The following CDIP1 variants were observed in gnomAD, a reference collection of about 807,000 sequenced individuals.
The protein encoded by CDIP1 is cell death-inducing p53-target protein 1.
In CDIP1, 9 loss-of-function variants were observed where a neutral mutation model predicts 17.7. The observed-to-expected ratio is 0.51, with a 90% CI of 0.31 to 0.89. CDIP1 has a LOEUF of 0.89. Among genes scored for constraint, CDIP1 ranks in the 40% least tolerant of loss-of-function variants. The pLI is 0.05. For synonymous variants in CDIP1, 117 were observed against 109.5 expected (o/e 1.07, Z -0.43); for missense variants, 263 against 277.9 (o/e 0.95, Z 0.38).
intron 1 of CDIP1, among the ~76,000 whole-genome samples, chr16:4,526,376 G>A (rs2059000857): frequency 6.6e-6 from 1 of 151,874 alleles, no homozygotes; most frequent in Non-Finnish European, 1.5e-5. Flanking sequence ...TCGCACTCCA[G>A]CCCGGGCAAT....
At chr16:4,516,730 C>CA (rs2141632971) in intron 1 of CDIP1, among the ~76,000 whole-genome samples, 1 of 105,948 alleles carries the variant, frequency 9.4e-6, no homozygotes, top group East Asian at 3.2e-4. Context: ...TTTTGTGAGA[C>CA]AGAGTCTTGC....
In CDIP1 at chr16:4,513,134, G is replaced by T; in HGVS notation, c.242-70C>A. ...ACCTGCACCAGACAAAGAGATTGGC[G>T]CAAAGCCCCACGGTCCACAGCGCCC... On this transcript the variant is annotated intron_variant, in intron 4 of 5. Transcript: ENST00000567695. The surrounding 1 kb of genome is among the most constrained non-coding windows in gnomAD (Gnocchi z 4.1). 7.0e-7 allele frequency: 1 copy of T among 1,429,630 alleles called. No individual in the cohort carries two copies. Among genetic ancestry groups the T allele is most frequent in the Non-Finnish European group, 9.3e-7 (1 of 1,076,430 alleles). The allele number at this position is 1,429,630 out of a possible 1,614,324, so 88.6% of individuals were successfully genotyped here.
intron 1 of CDIP1, chr16:4,532,135 C>A (rs2059062599): frequency 6.6e-6 from 1 of 152,202 alleles, no homozygotes; most frequent in African/African-American, 2.4e-5. Flanking sequence ...AAATCAGCAC[C>A]CCCAACACTC....
At chr16:4,525,789 G>A (rs540515797) in intron 1 of CDIP1, among the ~76,000 whole-genome samples, 2 of 152,298 alleles carry the variant, frequency 1.3e-5, no homozygotes. Flanking sequence ...CCCCTTCTCT[G>A]GGACCGTTGT....
intron 1 of CDIP1, among the ~76,000 whole-genome samples, chr16:4,528,819 T>C (rs2141654061): frequency 6.6e-6 from 1 of 150,568 alleles, no homozygotes; most frequent in East Asian, 2.0e-4. Context: ...TGAAACCCCA[T>C]CTCTACTAAA....
At chr16:4,527,909 C>T (rs1349591288) in intron 1 of CDIP1, among the ~76,000 whole-genome samples, 2 of 152,052 alleles carry the variant, frequency 1.3e-5, no homozygotes, top group East Asian at 1.9e-4. Context: ...CTCCGCCTCC[C>T]GGGTTCAAGT....
chr16:4,532,096 T>G (rs1296922130), intron 1 of CDIP1: 1 of 152,218 alleles, frequency 6.6e-6, no homozygotes, highest in African/African-American at 2.4e-5. Flanking sequence ...ACCCACTGAA[T>G]GTGTACTGAA....
intron 1 of CDIP1, chr16:4,536,528 C>T (rs860891): frequency 0.34 from 51,349 of 151,956 alleles, 9,548 homozygotes; most frequent in African/African-American, 0.48. Flanking sequence ...GCCTTCGGGA[C>T]GCATTCCGTT....
chr16:4,514,008 G>T lies in CDIP1; in HGVS notation c.85+38C>A. Reference sequence around the variant, plus strand: ...TCCCAACCATGCCATGGCGGCAGGGGGCTGCAATATGGAGCCTCAGGAACA... The same window carrying T: ...TCCCAACCATGCCATGGCGGCAGGGTGCTGCAATATGGAGCCTCAGGAACA... On this transcript the variant is annotated intron_variant, in intron 3 of 5. Coordinates refer to ENST00000567695, the MANE Select transcript of CDIP1 (RefSeq NM_013399.3). This position sits in a 1 kb window ranked among gnomAD's most constrained non-coding sequence, Gnocchi z 5.2. 7.2e-7 allele frequency: 1 copy of T among 1,381,098 alleles called. No homozygotes were observed. Among genetic ancestry groups the T allele is most frequent in the Non-Finnish European group, 9.8e-7 (1 of 1,023,460 alleles). The allele number at this position is 1,381,098 out of a possible 1,614,324, so 85.6% of individuals were successfully genotyped here. A position where few individuals can be genotyped will look rare whatever the true frequency, so the allele number is the denominator to read the frequency against.
Position 4,512,301 on chromosome 16 carries a change from T to C in CDIP1, c.*271A>G. On this transcript the variant is annotated 3_prime_UTR_variant, in exon 6 of 6. Coordinates refer to ENST00000567695, the MANE Select transcript of CDIP1 (RefSeq NM_013399.3). This position sits in a 1 kb window ranked among gnomAD's most constrained non-coding sequence, Gnocchi z 4.6. ...CCAGCAGGAGACCCCTCCCAGCTTA[T>C]CTTCCCGATCACACACACCAAGCAG... 1.8e-6 allele frequency: 1 copy of C among 542,780 alleles called. No homozygotes were observed. The highest frequency in any genetic ancestry group is 3.3e-6 in the Non-Finnish European group (1 of 299,696). The allele number at this position is 542,780 out of a possible 1,614,324, so 33.6% of individuals were successfully genotyped here. A position where few individuals can be genotyped will look rare whatever the true frequency, so the allele number is the denominator to read the frequency against.
chr16:4,537,420 G>A (rs1040392009), intron 1 of CDIP1, among the ~76,000 whole-genome samples: 7 of 152,166 alleles, frequency 4.6e-5, no homozygotes, highest in African/African-American at 1.4e-4. Flanking sequence ...GAGCTGGCAC[G>A]CCTCCCTCCA....
chr16:4,519,350 T>A (rs761711848), intron 1 of CDIP1, among the ~76,000 whole-genome samples: 1 of 152,216 alleles, frequency 6.6e-6, no homozygotes. Context: ...GGCATTCAAG[T>A]CTGATGCTAC....
intron 1 of CDIP1, among the ~76,000 whole-genome samples, chr16:4,517,481 T>C (rs2058900084): frequency 6.6e-6 from 1 of 152,128 alleles, no homozygotes; most frequent in Non-Finnish European, 1.5e-5. Flanking sequence ...ATTCCTGTAA[T>C]CTAATCTCAG....
At position 4,513,505 on chromosome 16, in the gene CDIP1, A is replaced by G. The variant is rs143754409; in HGVS notation, c.241+191T>C. On this transcript the variant is annotated intron_variant, in intron 4 of 5. Transcript: ENST00000567695. The surrounding 1 kb of genome is among the most constrained non-coding windows in gnomAD (Gnocchi z 4.1). Reference sequence around the variant, plus strand: ...GACCAGCCCTTCCTGACCAGCCTGAATAAGAGCAGTCCCACCTTCCCACGT... The same window carrying G: ...GACCAGCCCTTCCTGACCAGCCTGAGTAAGAGCAGTCCCACCTTCCCACGT... Among the ~76,000 whole-genome samples the G allele has an allele frequency of 1.3e-5, 2 of 152,284 alleles. No individual in the cohort carries two copies. Among genetic ancestry groups the G allele is most frequent in the East Asian group, 3.9e-4 (2 of 5,178 alleles).
rs1447899355 is a variant in CDIP1 at position 4,513,215 on chromosome 16, G to T, written c.242-151C>A. 2.5e-6 allele frequency: 2 copies of T among 814,288 alleles called. No individual in the cohort carries two copies. The highest frequency in any genetic ancestry group is 1.9e-6 in the Non-Finnish European group (1 of 533,106). 50.4% of individuals were successfully genotyped at this position (814,288 alleles called of 1,614,324 possible). ...CCGCCCTCCTAACGGGCCAGTGGGA[G>T]GCCTTACAGCTGGGGCCCTAAGTCA... On this transcript the variant is annotated intron_variant, in intron 4 of 5. Coordinates refer to ENST00000567695, the MANE Select transcript of CDIP1 (RefSeq NM_013399.3). This position sits in a 1 kb window ranked among gnomAD's most constrained non-coding sequence, Gnocchi z 4.1.
intron 1 of CDIP1, among the ~76,000 whole-genome samples, chr16:4,535,494 G>C (rs924602877): frequency 6.6e-6 from 1 of 152,226 alleles, no homozygotes; most frequent in African/African-American, 2.4e-5. Context: ...TTTGTCTGCC[G>C]TCAGGGACCC....
Position 4,512,919 on chromosome 16 carries a change from C to A in CDIP1, c.387G>T (p.Gln129His). 1 of 1,577,200 alleles carries A rather than the reference C, an allele frequency of 6.3e-7. No homozygotes were observed. Among genetic ancestry groups the A allele is most frequent in the Non-Finnish European group, 8.6e-7 (1 of 1,161,538 alleles). ...SGAATTVTVL[Q>H]GEIFEGAPVQ... is the part of the protein sequence containing the mutation. The stretch of plus-strand genomic sequence containing the variant: ...CAGGCGCTCCCTCAAAGATCTCTCC[C>A]TGCAGCACTGTCACCGTGGTGGCAG... Residue 129 changes from glutamine to histidine, a missense_variant, in exon 5 of 6, where the codon CAG becomes CAT. Physicochemically the swap from Gln to His is conservative, Grantham distance 24 (BLOSUM62 0). Transcript: ENST00000567695. The surrounding 1 kb of genome is among the most constrained non-coding windows in gnomAD (Gnocchi z 4.6).
chr16:4,534,087 A>T (rs2059081815), intron 1 of CDIP1, among the ~76,000 whole-genome samples: 1 of 152,120 alleles, frequency 6.6e-6, no homozygotes, highest in Non-Finnish European at 1.5e-5. Flanking sequence ...AGTAGCTGGA[A>T]TTACAGGCAC....
At chr16:4,523,442 A>G (rs1216920137) in intron 1 of CDIP1, among the ~76,000 whole-genome samples, 1 of 152,142 alleles carries the variant, frequency 6.6e-6, no homozygotes, top group African/African-American at 2.4e-5. Context: ...TGAACCCAGG[A>G]GGCGGAGGTT....
Sources: gnomAD v4.1 joint callset for allele counts (sites outside exome capture counted in the v4.1 genomes callset) on GRCh38, gnomAD v4.1.1 for gene constraint, Gnocchi (gnomAD v3.1) non-coding constraint, MANE v1.5 for transcripts, NCBI Gene and HGNC (gene_info 2026-07-23, HGNC 2026-07-21) for gene names.